The following EPB41L3 variants were observed in gnomAD, a reference collection of about 807,000 sequenced individuals.
The protein encoded by EPB41L3 is erythrocyte membrane protein band 4.1 like 3, also known as band 4.1-like protein 3.
In EPB41L3, 57 loss-of-function variants were observed where a neutral mutation model predicts 127.1. The observed-to-expected ratio is 0.45, with a 90% CI of 0.36 to 0.56. The LOEUF (loss-of-function observed/expected upper bound fraction) is 0.56. Among genes scored for constraint, EPB41L3 ranks in the 20% least tolerant of loss-of-function variants. The probability of loss-of-function intolerance (pLI) is 0.00; values close to 1 mark genes in which losing one functional copy is unlikely to be tolerated. For synonymous variants in EPB41L3, 572 were observed against 549.5 expected, an observed-to-expected ratio of 1.04 and a Z score of -0.57; for missense variants, 1,273 against 1,372.2, an observed-to-expected ratio of 0.93 and a Z score of 1.14.
chr18:5,471,002 G>A (rs1259855965), intron 3 of EPB41L3, among the ~76,000 whole-genome samples: 1 of 152,168 alleles, frequency 6.6e-6, no homozygotes, highest in Non-Finnish European at 1.5e-5. Flanking sequence ...GGTTAGAGCT[G>A]ACTGGGGGCC....
At chr18:5,402,092 C>T (rs72866809) in intron 16 of EPB41L3, among the ~76,000 whole-genome samples, 3,288 of 151,622 alleles carry the variant, frequency 0.022, 64 homozygotes, top group South Asian at 0.072. Context: ...TTCTGCAGGA[C>T]CTACCCTGAC....
chr18:5,473,176 C>T (rs1313894709), intron 3 of EPB41L3, among the ~76,000 whole-genome samples: 2 of 152,090 alleles, frequency 1.3e-5, no homozygotes, highest in Non-Finnish European at 2.9e-5. Context: ...GTGGCCCATT[C>T]GCTGGCATGT....
At chr18:5,527,299 A>G (rs961716886) in intron 1 of EPB41L3, among the ~76,000 whole-genome samples, 8 of 152,212 alleles carry the variant, frequency 5.3e-5, no homozygotes, top group African/African-American at 1.9e-4. Context: ...CAGTCAGCAC[A>G]GGCAAGCTCT....
chr18:5,543,790 G>T lies in EPB41L3; in HGVS notation c.-12+123C>A, dbSNP rs1335698844. ...CTCGGGATTCGGGAGACCGCGCGGC[G>T]CCGAAGCCACGCGTCAGCCCCACTG... On this transcript the variant is annotated intron_variant, in intron 1 of 22. Coordinates refer to ENST00000341928, the MANE Select transcript of EPB41L3 (RefSeq NM_012307.5). The surrounding 1 kb of genome is among the most constrained non-coding windows in gnomAD (Gnocchi z 5.2). The T allele has an allele frequency of 3.8e-6, 3 of 790,456 alleles. No individual in the cohort carries two copies. The African/African-American group carries it at 5.6e-5, about 15-fold the overall frequency. 49.0% of individuals were successfully genotyped at this position (790,456 alleles called of 1,614,324 possible). A position where few individuals can be genotyped will look rare whatever the true frequency, so the allele number is the denominator to read the frequency against.
rs778843417 is a variant in EPB41L3 at position 5,394,742 on chromosome 18, C to T, written c.3205G>A (p.Val1069Met). The change falls in exon 22 of 23, where the codon GTG becomes ATG. Residue 1069 changes from valine (V) to methionine (M), a missense_variant. This residue lies in a region of EPB41L3 where 765 missense variants were observed against 782.9 expected (regional missense o/e 0.98). Coordinates refer to ENST00000341928, the MANE Select transcript of EPB41L3 (RefSeq NM_012307.5). ...TCTTTATGGACCACTACTTTGGTCA[C>T]TGACATGTCAGGGTGCTGCTCTTTG... is the stretch of plus-strand genomic sequence containing the variant. The part of the protein sequence containing the change: ...EAKEQHPDMS[V>M]TKVVVHKETE... 6.2e-7 allele frequency: 1 copy of T among 1,614,080 alleles called. No homozygotes were observed. The highest frequency in any genetic ancestry group is 8.5e-7 in the Non-Finnish European group (1 of 1,180,042).
At chr18:5,506,808 C>T (rs1227066716) in intron 1 of EPB41L3, among the ~76,000 whole-genome samples, 2 of 152,124 alleles carry the variant, frequency 1.3e-5, no homozygotes, top group Non-Finnish European at 2.9e-5. Context: ...AGCAGGTCCT[C>T]ATTAGATTAT....
chr18:5,523,460 T>C (rs2093080871), intron 1 of EPB41L3, among the ~76,000 whole-genome samples: 2 of 152,378 alleles, frequency 1.3e-5, no homozygotes, highest in South Asian at 4.1e-4. Flanking sequence ...TAAAATTTAA[T>C]TTTTCCTCAT....
rs536702804 is a variant in EPB41L3, at chr18:5,575,907, A to G, written c.-306+36433T>C. Among the ~76,000 whole-genome samples the G allele has an allele frequency of 1.2e-4, 18 of 152,342 alleles. No individual in the cohort carries two copies. In the South Asian group the frequency reaches 3.7e-3, roughly 32 times the overall value. On this transcript the variant is annotated intron_variant, in intron 3 of 21. Transcript: ENST00000545076. The stretch of plus-strand genomic sequence containing the variant: ...AGCCTCTCTTCTTTATAAATTATCC[A>G]GCCTCAGATATTCCTTTATAGCAGC...
intron 1 of EPB41L3, among the ~76,000 whole-genome samples, chr18:5,530,660 C>T (rs1598709483): frequency 1.3e-5 from 2 of 152,140 alleles, no homozygotes; most frequent in Non-Finnish European, 2.9e-5. Context: ...TCCTGTCCAG[C>T]CGACTCCAGA....
intron 1 of EPB41L3, among the ~76,000 whole-genome samples, chr18:5,628,282 A>T (rs2094945243): frequency 6.6e-6 from 1 of 152,248 alleles, no homozygotes; most frequent in South Asian, 2.1e-4. Context: ...TTTGGGATTT[A>T]CCATCGTTTC....
At chr18:5,403,489 TAAC>T (rs1457853649) in intron 16 of EPB41L3, among the ~76,000 whole-genome samples, 1 of 151,362 alleles carries the variant, frequency 6.6e-6, no homozygotes, top group Non-Finnish European at 1.5e-5. Flanking sequence ...TATAACAATT[TAAC>T]TACTATAGAT....
At chr18:5,395,735 A>G in intron 19 of EPB41L3, 28 bp from the exon 20 acceptor site, 1 of 1,578,370 alleles carries the variant, frequency 6.3e-7, no homozygotes, top group Middle Eastern at 1.7e-4. Context: ...TAGACCCCTC[A>G]TCCAGGTGCT....
At chr18:5,492,870 T>G (rs1328520733) in intron 1 of EPB41L3, among the ~76,000 whole-genome samples, 3 of 152,146 alleles carry the variant, frequency 2.0e-5, no homozygotes, top group African/African-American at 7.2e-5. Context: ...GTAAATCATA[T>G]TTCAATATCC....
At chr18:5,581,327 ACC>A (rs2094391330) in intron 3 of EPB41L3, among the ~76,000 whole-genome samples, 1 of 152,134 alleles carries the variant, frequency 6.6e-6, no homozygotes, top group Non-Finnish European at 1.5e-5. Flanking sequence ...TTGGGAGTTT[ACC>A]CTTATAGTGT....
intron 1 of EPB41L3, among the ~76,000 whole-genome samples, chr18:5,533,920 T>C (rs2093489222): frequency 6.6e-6 from 1 of 152,120 alleles, no homozygotes; most frequent in Non-Finnish European, 1.5e-5. Flanking sequence ...ATCCCAGCAC[T>C]TTGGGAGGCT....
chr18:5,506,242 T>C (rs769506581), intron 1 of EPB41L3, among the ~76,000 whole-genome samples: 2 of 152,120 alleles, frequency 1.3e-5, no homozygotes, highest in Non-Finnish European at 2.9e-5. Flanking sequence ...AATAAAAACA[T>C]GTCACGTCTT....
intron 3 of EPB41L3, among the ~76,000 whole-genome samples, chr18:5,462,431 C>T (rs1391588501): frequency 6.6e-6 from 1 of 152,174 alleles, no homozygotes; most frequent in Admixed American, 6.5e-5. Flanking sequence ...TGCAACCTTC[C>T]ACTTCCTGTT....
intron 3 of EPB41L3, among the ~76,000 whole-genome samples, chr18:5,572,376 A>G (rs2094291667): frequency 6.6e-6 from 1 of 152,018 alleles, no homozygotes; most frequent in South Asian, 2.1e-4. Flanking sequence ...TGCTTCCCAT[A>G]TTTTCTTTGC....
chr18:5,587,277 T>A (rs1037152233), intron 3 of EPB41L3, among the ~76,000 whole-genome samples: 1 of 152,134 alleles, frequency 6.6e-6, no homozygotes, highest in Non-Finnish European at 1.5e-5. Context: ...TTTTGCACGT[T>A]CTTTTACATT....
Sources: gnomAD v4.1 joint callset for allele counts (sites outside exome capture counted in the v4.1 genomes callset) on GRCh38, gnomAD v4.1.1 for gene constraint, gnomAD v4.1.1 regional missense constraint, Gnocchi (gnomAD v3.1) non-coding constraint, MANE v1.5 for transcripts, NCBI Gene and HGNC (gene_info 2026-07-23, HGNC 2026-07-21) for gene names.